MAPK10: variants seen among roughly 807,000 people sequenced by gnomAD.
The protein encoded by MAPK10 is mitogen-activated protein kinase 10.
A neutral mutation model predicts 59.3 loss-of-function variants in MAPK10; 25 were observed. The observed-to-expected ratio is 0.42, with a 90% CI of 0.31 to 0.59. The LOEUF (loss-of-function observed/expected upper bound fraction) is 0.59, where lower values mean the gene tolerates loss of function less well. Ranked by LOEUF, MAPK10 falls within the 20% of genes least tolerant of loss-of-function variation. The pLI is 0.15. For synonymous variants in MAPK10, 190 were observed against 200.5 expected, an observed-to-expected ratio of 0.95 and a Z score of 0.44; for missense variants, 351 against 568.9, an observed-to-expected ratio of 0.62 and a Z score of 3.90.
intron 1 of MAPK10, among the ~76,000 whole-genome samples, chr4:86,506,163 G>A (rs1384781353): frequency 6.6e-6 from 1 of 152,124 alleles, no homozygotes; most frequent in Non-Finnish European, 1.5e-5. Flanking sequence ...AAGAAAGGCA[G>A]TCGGTCATAT....
chr4:86,401,996 G>A (rs1743787178), intron 1 of MAPK10, among the ~76,000 whole-genome samples: 1 of 152,068 alleles, frequency 6.6e-6, no homozygotes, highest in African/African-American at 2.4e-5. Flanking sequence ...GAGCCTCACT[G>A]AAAAAGCATC....
At chr4:86,500,398 A>G (rs1351513202) in intron 1 of MAPK10, among the ~76,000 whole-genome samples, 2 of 152,166 alleles carry the variant, frequency 1.3e-5, no homozygotes, top group Non-Finnish European at 2.9e-5. Context: ...CAGGAAAAAG[A>G]TAAGTTTGCG....
chr4:86,482,853 CAG>C (rs1281121472), intron 1 of MAPK10, among the ~76,000 whole-genome samples: 1 of 152,124 alleles, frequency 6.6e-6, no homozygotes, highest in Non-Finnish European at 1.5e-5. Context: ...TGCCACCTAA[CAG>C]AGATTTGAGT....
At chr4:86,372,508 T>A (rs956950519) in intron 1 of MAPK10, among the ~76,000 whole-genome samples, 3 of 82,438 alleles carry the variant, frequency 3.6e-5, no homozygotes, top group Non-Finnish European at 7.1e-5. Context: ...AGAGTAAGAC[T>A]CCATCTCAAA....
At chr4:86,479,606 A>T (rs1370532324) in intron 1 of MAPK10, among the ~76,000 whole-genome samples, 1 of 152,052 alleles carries the variant, frequency 6.6e-6, no homozygotes, top group Non-Finnish European at 1.5e-5. Flanking sequence ...AAGCCACCAC[A>T]GCTGATGTCT....
intron 11 of MAPK10, among the ~76,000 whole-genome samples, chr4:86,040,700 C>A (rs1309843035): frequency 6.6e-6 from 1 of 151,686 alleles, no homozygotes. Context: ...AAATCAAAGA[C>A]AAAGAAAGGA....
intron 11 of MAPK10, among the ~76,000 whole-genome samples, chr4:86,056,153 T>C (rs2044510284): frequency 6.7e-6 from 1 of 150,102 alleles, no homozygotes; most frequent in African/African-American, 2.5e-5. Flanking sequence ...GAGAGCTGTT[T>C]GCATTTATAA....
intron 2 of MAPK10, among the ~76,000 whole-genome samples, chr4:86,349,336 T>C (rs537093431): frequency 1.3e-5 from 2 of 152,352 alleles, no homozygotes; most frequent in East Asian, 3.9e-4. Flanking sequence ...TTTCTTCATG[T>C]GTCTGTCTTT....
intron 2 of MAPK10, among the ~76,000 whole-genome samples, chr4:86,298,158 A>T (rs1348313467): frequency 6.6e-6 from 1 of 151,660 alleles, no homozygotes; most frequent in African/African-American, 2.4e-5. Context: ...CTCTCTATGT[A>T]CCTCCACAGC....
intron 1 of MAPK10, among the ~76,000 whole-genome samples, chr4:86,535,232 AGAAAGTTCCAG>A (rs1192305832): frequency 1.3e-5 from 2 of 152,234 alleles, no homozygotes; most frequent in Non-Finnish European, 2.9e-5. Context: ...TACCAAAGCC[AGAAAGTTCCAG>A]AAAGAGTTTA....
At chr4:86,182,853 T>C (rs535229451) in intron 3 of MAPK10, among the ~76,000 whole-genome samples, 1 of 152,248 alleles carries the variant, frequency 6.6e-6, no homozygotes, top group East Asian at 1.9e-4. Context: ...TTTCTGTGTA[T>C]TAAAAGCTCA....
At chr4:86,033,803 C>T (rs72660200) in intron 11 of MAPK10, among the ~76,000 whole-genome samples, 5,498 of 152,260 alleles carry the variant, frequency 0.036, 146 homozygotes, top group Middle Eastern at 0.092. Context: ...ATGTCACCTC[C>T]AGTGAAAGGG....
intron 1 of MAPK10, among the ~76,000 whole-genome samples, chr4:86,413,741 T>A (rs1745498054): frequency 6.6e-6 from 1 of 152,206 alleles, no homozygotes; most frequent in Non-Finnish European, 1.5e-5. Flanking sequence ...GGACTGTATC[T>A]CCTGGTCCGC....
intron 2 of MAPK10, among the ~76,000 whole-genome samples, chr4:86,304,364 T>C (rs1235494221): frequency 1.3e-5 from 2 of 151,814 alleles, no homozygotes; most frequent in Non-Finnish European, 2.9e-5. Flanking sequence ...TTTTCTACCA[T>C]TGTGGCTTGT....
chr4:86,354,163 T>G (rs1733218099), intron 2 of MAPK10, among the ~76,000 whole-genome samples: 1 of 152,076 alleles, frequency 6.6e-6, no homozygotes, highest in African/African-American at 2.4e-5. Flanking sequence ...AACCAATTTT[T>G]CTACTAAAGG....
intron 1 of MAPK10, among the ~76,000 whole-genome samples, chr4:86,551,383 C>T (rs1759760774): frequency 6.6e-6 from 1 of 152,162 alleles, no homozygotes; most frequent in Non-Finnish European, 1.5e-5. Flanking sequence ...TGCCTTTACT[C>T]AATGCTTAAT....
At chr4:86,149,149 C>A (rs944601102) in intron 4 of MAPK10, among the ~76,000 whole-genome samples, 8 of 152,190 alleles carry the variant, frequency 5.3e-5, no homozygotes, top group Admixed American at 5.2e-4. Flanking sequence ...TTCCTTCTCT[C>A]ATTTAGAATC....
chr4:86,528,439 C>T (rs1016757351), intron 1 of MAPK10, among the ~76,000 whole-genome samples: 3 of 151,934 alleles, frequency 2.0e-5, no homozygotes, highest in Admixed American at 6.6e-5. Context: ...TTTTGAATTC[C>T]GTGATATGGC....
intron 2 of MAPK10, among the ~76,000 whole-genome samples, chr4:86,250,172 A>G (rs535065575): frequency 1.3e-5 from 2 of 152,328 alleles, no homozygotes; most frequent in East Asian, 3.9e-4. Context: ...CGATCTTTAC[A>G]AACTTTTCAG....
Sources: allele counts gnomAD v4.1 joint callset (sites outside exome capture counted in the v4.1 genomes callset), GRCh38; gene constraint gnomAD v4.1.1; transcripts MANE v1.5; gene names NCBI Gene and HGNC (gene_info 2026-07-23, HGNC 2026-07-21).